Variants in PTPRM observed in about 807,000 individuals in gnomAD.
PTPRM encodes the protein receptor-type tyrosine-protein phosphatase mu.
PTPRM carries 47 observed loss-of-function variants against 186.7 expected under a neutral mutation model. The ratio of observed to expected loss-of-function variants is 0.25; its 90% CI spans 0.20 to 0.32. The LOEUF is 0.32. Ranked by LOEUF, PTPRM falls within the 10% of genes least tolerant of loss-of-function variation. The pLI is 1.00. For synonymous variants in PTPRM, 668 were observed against 674.9 expected, an observed-to-expected ratio of 0.99 and a Z score of 0.16; for missense variants, 1,494 against 1,865.0, an observed-to-expected ratio of 0.80 and a Z score of 3.66.
intron 17 of PTPRM, among the ~76,000 whole-genome samples, chr18:8,249,775 T>C (rs953457320): frequency 6.6e-6 from 1 of 152,200 alleles, no homozygotes; most frequent in Non-Finnish European, 1.5e-5. Flanking sequence ...TTAAAGTTGA[T>C]TAGTTTTCTT....
At chr18:7,972,691 T>C (rs968975199) in intron 7 of PTPRM, among the ~76,000 whole-genome samples, 2 of 152,088 alleles carry the variant, frequency 1.3e-5, no homozygotes, top group Non-Finnish European at 2.9e-5. Context: ...ACATTTTACT[T>C]GTTAATGTTT....
chr18:8,376,419 G>A lies in PTPRM; in HGVS notation c.3327-43G>A, dbSNP rs772054501. The A allele has an allele frequency of 8.1e-6, 13 of 1,613,276 alleles. No individual in the cohort carries two copies. In the South Asian group the frequency reaches 1.4e-4, roughly 18 times the overall value. Reference sequence around the variant, plus strand: ...AAATTTAAAAAGCAGCAGCAGCAGTGTGGTCCTTCTTCCTCCACTGACAGA... The same window carrying A: ...AAATTTAAAAAGCAGCAGCAGCAGTATGGTCCTTCTTCCTCCACTGACAGA... On this transcript the variant is annotated intron_variant, in intron 25 of 32. Transcript: ENST00000580170.
At chr18:8,298,629 G>A (rs1161395066) in intron 20 of PTPRM, among the ~76,000 whole-genome samples, 1 of 152,180 alleles carries the variant, frequency 6.6e-6, no homozygotes, top group Non-Finnish European at 1.5e-5. Flanking sequence ...TAAGCACTTT[G>A]CACATCGAAA....
chr18:7,747,072 A>G (rs2041010000), intron 1 of PTPRM, among the ~76,000 whole-genome samples: 1 of 151,888 alleles, frequency 6.6e-6, no homozygotes, highest in African/African-American at 2.4e-5. Context: ...TGTGGCCATG[A>G]TTTTTGGTCA....
At chr18:8,160,386 G>A (rs572990100) in intron 14 of PTPRM, among the ~76,000 whole-genome samples, 56 of 152,254 alleles carry the variant, frequency 3.7e-4, no homozygotes, top group Non-Finnish European at 7.1e-4. Context: ...GGGCTCAAGT[G>A]ATCCCCCGTC....
At chr18:7,689,854 T>C (rs1195329334) in intron 1 of PTPRM, among the ~76,000 whole-genome samples, 3 of 152,202 alleles carry the variant, frequency 2.0e-5, no homozygotes, top group Non-Finnish European at 4.4e-5. Context: ...ACTCAGTGTT[T>C]TTACTGAATA....
At chr18:7,710,409 G>A (rs2040187418) in intron 1 of PTPRM, among the ~76,000 whole-genome samples, 1 of 152,066 alleles carries the variant, frequency 6.6e-6, no homozygotes, top group African/African-American at 2.4e-5. Context: ...AGTAATAAAA[G>A]CCATCTATGT....
At chr18:7,796,246 G>A (rs900959719) in intron 2 of PTPRM, among the ~76,000 whole-genome samples, 2 of 152,022 alleles carry the variant, frequency 1.3e-5, no homozygotes, top group African/African-American at 4.8e-5. Context: ...GCAGAGATCA[G>A]TGCCTGTGGA....
rs1361131180 is a variant in PTPRM, at chr18:7,855,937, G to A, written c.197-32169G>A. The stretch of plus-strand genomic sequence containing the variant: ...GGTCACAGTAGAAAAAGCAGAAGGT[G>A]CCTGGGAATCAAACAGTCATCTGGG... On this transcript the variant is annotated intron_variant, in intron 2 of 32. Coordinates refer to ENST00000580170, the MANE Select transcript of PTPRM (RefSeq NM_001105244.2). Among the ~76,000 whole-genome samples, 4 of 152,194 alleles carry A rather than the reference G, an allele frequency of 2.6e-5. No individual in the cohort carries two copies. In the East Asian group the frequency reaches 7.7e-4, roughly 29 times the overall value.
At chr18:8,310,978 C>T (rs997255802) in intron 20 of PTPRM, among the ~76,000 whole-genome samples, 1 of 152,114 alleles carries the variant, frequency 6.6e-6, no homozygotes, top group African/African-American at 2.4e-5. Flanking sequence ...GATGAAATAG[C>T]TCAGTATTCT....
At chr18:8,379,038 T>C (rs566105983) in intron 27 of PTPRM, 129 bp from the exon 28 acceptor site, 3 of 675,712 alleles carry the variant, frequency 4.4e-6, no homozygotes, top group African/African-American at 3.7e-5. Context: ...CTATGGTGGG[T>C]TGGGGAGGGA....
intron 2 of PTPRM, among the ~76,000 whole-genome samples, chr18:7,862,342 T>C (rs1326129469): frequency 2.0e-4 from 30 of 152,208 alleles, no homozygotes; most frequent in Non-Finnish European, 1.5e-5. Flanking sequence ...TTTTTAGTGA[T>C]GACAACGTCA....
At chr18:8,342,056 G>C (rs538749143) in intron 22 of PTPRM, among the ~76,000 whole-genome samples, 1 of 152,222 alleles carries the variant, frequency 6.6e-6, no homozygotes, top group Middle Eastern at 3.4e-3. Context: ...AGTCAGAAGC[G>C]GCAAGGGAGA....
At chr18:8,230,966 G>C (rs538534906) in intron 14 of PTPRM, among the ~76,000 whole-genome samples, 131 of 152,206 alleles carry the variant, frequency 8.6e-4, no homozygotes, top group Middle Eastern at 6.8e-3. Context: ...ACTTATTCTT[G>C]TTACCAGCTC....
chr18:7,818,184 CTCTCT>C (rs2044956769), intron 2 of PTPRM, among the ~76,000 whole-genome samples: 2 of 152,120 alleles, frequency 1.3e-5, no homozygotes, highest in African/African-American at 4.8e-5. Flanking sequence ...CAACAGCAGT[CTCTCT>C]TCTCTACTAA....
chr18:7,735,242 C>T (rs1285149227), intron 1 of PTPRM, among the ~76,000 whole-genome samples: 1 of 152,104 alleles, frequency 6.6e-6, no homozygotes, highest in African/African-American at 2.4e-5. Context: ...CATAGTGACA[C>T]CCCATCTATA....
At chr18:7,724,385 A>G (rs1020893275) in intron 1 of PTPRM, among the ~76,000 whole-genome samples, 1 of 152,244 alleles carries the variant, frequency 6.6e-6, no homozygotes, top group African/African-American at 2.4e-5. Flanking sequence ...TTACAGCAAC[A>G]TGGACCTAGT....
intron 6 of PTPRM, among the ~76,000 whole-genome samples, chr18:7,949,639 A>AT (rs3214731): frequency 0.022 from 3,278 of 152,192 alleles, 46 homozygotes; most frequent in African/African-American, 0.044. Flanking sequence ...CAACTTATAA[A>AT]TTTTTTTTAA....
intron 14 of PTPRM, among the ~76,000 whole-genome samples, chr18:8,230,632 T>C (rs2094275132): frequency 6.6e-6 from 1 of 152,238 alleles, no homozygotes; most frequent in Non-Finnish European, 1.5e-5. Flanking sequence ...GTTAAACGAA[T>C]TAATGAACAT....
Sources: gnomAD v4.1 joint callset for allele counts (sites outside exome capture counted in the v4.1 genomes callset) on GRCh38, gnomAD v4.1.1 for gene constraint, MANE v1.5 for transcripts, NCBI Gene and HGNC (gene_info 2026-07-23, HGNC 2026-07-21) for gene names.